Variants in GPC6 observed in about 807,000 individuals in gnomAD.
The protein encoded by GPC6 is glypican 6.
Under a neutral mutation model 55.2 loss-of-function variants are expected in GPC6, and 14 were observed. The ratio of observed to expected loss-of-function variants is 0.25; its 90% CI spans 0.17 to 0.40. The LOEUF is 0.40. Among genes scored for constraint, GPC6 ranks in the 10% least tolerant of loss-of-function variants. The pLI is 1.00. For missense variants in GPC6, 641 were observed against 708.5 expected (o/e 0.90, Z 1.08); for synonymous variants, 278 against 259.6 (o/e 1.07, Z -0.68).
In GPC6 at chr13:93,638,045, CA is replaced by C. The variant is rs199746492; in HGVS notation, c.319+92633del. 4.6e-5 allele frequency among the ~76,000 whole-genome samples: 7 copies of C among 150,754 alleles called. No individual in the cohort carries two copies. The East Asian group carries it at 7.8e-4, about 17-fold the overall frequency. ...CGGAGTTCACAAATTGCTGAGCTTTCAAAAAAAAATCAATAATGAAGTCAAC... is the reference window on the plus strand; with the variant it reads ...CGGAGTTCACAAATTGCTGAGCTTTCAAAAAAAATCAATAATGAAGTCAAC... On this transcript the variant is annotated intron_variant, in intron 2 of 8. Transcript: ENST00000377047.
chr13:93,297,774 GTCT>G (rs1330002124), intron 1 of GPC6, among the ~76,000 whole-genome samples: 1 of 151,914 alleles, frequency 6.6e-6, no homozygotes, highest in Non-Finnish European at 1.5e-5. Flanking sequence ...ATTACGTATG[GTCT>G]TCTCTCTAGG....
intron 4 of GPC6, among the ~76,000 whole-genome samples, chr13:94,156,129 G>A (rs189422819): frequency 1.3e-5 from 2 of 152,168 alleles, no homozygotes; most frequent in African/African-American, 4.8e-5. Context: ...CAGAAAAACG[G>A]GATATGTCAA....
At chr13:93,396,596 A>ATAG (rs1454594482) in intron 1 of GPC6, among the ~76,000 whole-genome samples, 4 of 151,688 alleles carry the variant, frequency 2.6e-5, no homozygotes, top group African/African-American at 9.7e-5. Context: ...AATAATAATA[A>ATAG]TAATAGAACT....
intron 2 of GPC6, among the ~76,000 whole-genome samples, chr13:93,611,605 T>C (rs1878463640): frequency 6.6e-6 from 1 of 152,158 alleles, no homozygotes; most frequent in Non-Finnish European, 1.5e-5. Context: ...CCTGGATAGA[T>C]CCATGTTGAT....
intron 5 of GPC6, among the ~76,000 whole-genome samples, chr13:94,294,504 T>C (rs374687841): frequency 2.6e-5 from 4 of 151,726 alleles, no homozygotes; most frequent in Non-Finnish European, 5.9e-5. Flanking sequence ...TCTCTAGCTA[T>C]TGGGGCTTAG....
chr13:94,272,553 C>G (rs1313777506), intron 4 of GPC6, among the ~76,000 whole-genome samples: 1 of 148,674 alleles, frequency 6.7e-6, no homozygotes, highest in Admixed American at 6.8e-5. Context: ...ACTGCAAGCT[C>G]CGCCTCCCAG....
chr13:93,632,867 A>G (rs1227070599), intron 2 of GPC6, among the ~76,000 whole-genome samples: 1 of 152,030 alleles, frequency 6.6e-6, no homozygotes, highest in Non-Finnish European at 1.5e-5. Context: ...TCAAAGGGCT[A>G]TTTATAAAAA....
intron 3 of GPC6, among the ~76,000 whole-genome samples, chr13:93,908,083 G>GGA (rs956502169): frequency 1.3e-5 from 2 of 151,852 alleles, no homozygotes; most frequent in African/African-American, 2.4e-5. Context: ...AATTAAAAAA[G>GGA]GAGAGAGAGA....
intron 3 of GPC6, among the ~76,000 whole-genome samples, chr13:93,977,514 GTGTGGT>G (rs1431831470): frequency 1.3e-4 from 13 of 99,934 alleles, no homozygotes; most frequent in African/African-American, 4.1e-4. Flanking sequence ...GTGTGTGTGT[GTGTGGT>G]GTGTCTTTAT....
intron 2 of GPC6, among the ~76,000 whole-genome samples, chr13:93,632,708 T>C (rs1435175003): frequency 6.6e-6 from 1 of 151,502 alleles, no homozygotes; most frequent in African/African-American, 2.4e-5. Context: ...ATGTAAATTA[T>C]GTACAACGAT....
intron 1 of GPC6, among the ~76,000 whole-genome samples, chr13:93,408,043 G>C (rs1759080807): frequency 1.3e-5 from 2 of 152,052 alleles, no homozygotes; most frequent in South Asian, 4.1e-4. Flanking sequence ...ACAATACTAA[G>C]AGAAATCTAC....
At chr13:93,675,327 T>TC (rs1027998797) in intron 2 of GPC6, among the ~76,000 whole-genome samples, 8 of 145,674 alleles carry the variant, frequency 5.5e-5, no homozygotes, top group African/African-American at 2.0e-4. Context: ...TTTTTTTCCT[T>TC]AAAAAAAAAA....
chr13:93,267,214 G>A (rs1877353504), intron 1 of GPC6, among the ~76,000 whole-genome samples: 1 of 152,038 alleles, frequency 6.6e-6, no homozygotes, highest in Non-Finnish European at 1.5e-5. Context: ...ATTCAAGTTT[G>A]TTACAACCTA....
intron 6 of GPC6, among the ~76,000 whole-genome samples, chr13:94,352,233 G>C (rs1208697433): frequency 6.6e-6 from 1 of 152,002 alleles, no homozygotes; most frequent in East Asian, 1.9e-4. Context: ...AGGCAGTGTG[G>C]GAACAGGGCT....
At chr13:93,380,821 C>T (rs1392273852) in intron 1 of GPC6, among the ~76,000 whole-genome samples, 1 of 152,114 alleles carries the variant, frequency 6.6e-6, no homozygotes, top group Non-Finnish European at 1.5e-5. Flanking sequence ...TTGACTCTAG[C>T]AAAGACACCC....
chr13:93,331,996 A>T (rs1243481197), intron 1 of GPC6, among the ~76,000 whole-genome samples: 4 of 151,672 alleles, frequency 2.6e-5, no homozygotes, highest in Admixed American at 6.5e-5. Context: ...TTCACTTAAC[A>T]TGATGTCCTC....
At chr13:93,300,789 G>A (rs534531580) in intron 1 of GPC6, among the ~76,000 whole-genome samples, 10 of 152,182 alleles carry the variant, frequency 6.6e-5, no homozygotes, top group Admixed American at 2.0e-4. Context: ...GGAGGCCAAC[G>A]CAGGAGGATC....
intron 1 of GPC6, among the ~76,000 whole-genome samples, chr13:93,393,652 C>T (rs1875736085): frequency 1.3e-5 from 2 of 151,860 alleles, no homozygotes; most frequent in African/African-American, 4.8e-5. Flanking sequence ...CTCTCTCTCT[C>T]TTTTTTCTTT....
At chr13:94,029,222 G>A (rs1041527653) in intron 4 of GPC6, among the ~76,000 whole-genome samples, 1 of 152,194 alleles carries the variant, frequency 6.6e-6, no homozygotes, top group Non-Finnish European at 1.5e-5. Context: ...TGCTTAGAAA[G>A]GCCAGAGGAA....
Sources: allele counts gnomAD v4.1 joint callset (sites outside exome capture counted in the v4.1 genomes callset), GRCh38; gene constraint gnomAD v4.1.1; transcripts MANE v1.5; gene names NCBI Gene and HGNC (gene_info 2026-07-23, HGNC 2026-07-21).